The following SYT6 variants were observed in gnomAD, a reference collection of about 807,000 sequenced individuals.
SYT6 encodes the protein synaptotagmin 6, also known as synaptotagmin-6.
SYT6 carries 24 observed loss-of-function variants against 38.4 expected under a neutral mutation model. The observed-to-expected ratio is 0.62, with a 90% CI of 0.45 to 0.88. The LOEUF (loss-of-function observed/expected upper bound fraction) is 0.88. Ranked by LOEUF, SYT6 falls within the 40% of genes least tolerant of loss-of-function variation. The pLI, the probability that SYT6 is intolerant of heterozygous loss-of-function variation, is 0.00. For synonymous variants in SYT6, 265 were observed against 241.9 expected (o/e 1.10, Z -0.89); for missense variants, 611 against 621.0 (o/e 0.98, Z 0.17).
intron 6 of SYT6, among the ~76,000 whole-genome samples, chr1:114,094,239 A>G (rs956541774): frequency 6.6e-6 from 1 of 152,214 alleles, no homozygotes; most frequent in Non-Finnish European, 1.5e-5. Context: ...TGGAAAGGCG[A>G]ATGATTCCAG....
intron 3 of SYT6, among the ~76,000 whole-genome samples, chr1:114,109,225 T>C (rs1168856102): frequency 1.3e-5 from 2 of 152,196 alleles, no homozygotes. Flanking sequence ...ACTTTTATGT[T>C]GATCTGGGGA....
At chr1:114,096,745 G>A (rs1317749476) in intron 6 of SYT6, among the ~76,000 whole-genome samples, 5 of 152,242 alleles carry the variant, frequency 3.3e-5, no homozygotes. Flanking sequence ...GGGCCATGCA[G>A]TGAAAGGGAT....
intron 4 of SYT6, 59 bp downstream of exon 4, chr1:114,103,542 C>T: frequency 6.3e-7 from 1 of 1,599,806 alleles, no homozygotes; most frequent in Non-Finnish European, 8.5e-7. Context: ...TCTCCCCGAA[C>T]ACCCTTCCAA....
At chr1:114,101,951 A>G (rs545993529) in intron 4 of SYT6, among the ~76,000 whole-genome samples, 29 of 152,358 alleles carry the variant, frequency 1.9e-4, no homozygotes, top group Non-Finnish European at 3.7e-4. Context: ...GCCAAGGTTT[A>G]ATAACAGGTT....
In SYT6 at chr1:114,090,093, G is replaced by A. The variant is rs941323959; in HGVS notation, c.*2041C>T. 2.6e-5 allele frequency: 4 copies of A among 152,298 alleles called. No homozygotes were observed. The highest frequency in any genetic ancestry group is 2.1e-4 in the South Asian group (1 of 4,822). The allele number at this position is 152,298 out of a possible 1,614,324, so 9.4% of individuals were successfully genotyped here. On this transcript the variant is annotated 3_prime_UTR_variant, in exon 8 of 8. Transcript: ENST00000610222. ...AATTTCTGGACTCCTTATGACCCAG[G>A]GAACTCAGTTGTCTCCTTTGTAATG...
In SYT6 at chr1:114,138,073, G is replaced by T. The variant is rs1237312302; in HGVS notation, c.513-20C>A. 2.5e-6 allele frequency: 4 copies of T among 1,605,592 alleles called. No homozygotes were observed. The highest frequency in any genetic ancestry group is 8.5e-7 in the Non-Finnish European group (1 of 1,175,232). On this transcript the variant is annotated intron_variant, in intron 2 of 7. Transcript: ENST00000610222. The stretch of plus-strand genomic sequence containing the variant: ...GTGTGCCTGGTAGAGGGCAGGAGGG[G>T]GCAGAGGGAGTGTGGTCAGGGCTCA...
At chr1:114,104,395 A>G (rs2774284) in intron 3 of SYT6, among the ~76,000 whole-genome samples, 74,842 of 152,020 alleles carry the variant, frequency 0.49, 18,622 homozygotes, top group South Asian at 0.6. Flanking sequence ...TGCCTCTCCT[A>G]ACCCCAGAAT....
rs557620233 is a variant in SYT6, at chr1:114,144,748, T to A, written c.164-4785A>T. 3.3e-5 allele frequency among the ~76,000 whole-genome samples: 5 copies of A among 152,184 alleles called. No homozygotes were observed. In the East Asian group the frequency reaches 9.7e-4, roughly 29 times the overall value. ...GGGATCCAGGTACTCCCACAGCACATAGGCTCCAGGGAAAGAGATCCCACA... is the reference window on the plus strand; with the variant it reads ...GGGATCCAGGTACTCCCACAGCACAAAGGCTCCAGGGAAAGAGATCCCACA... On this transcript the variant is annotated intron_variant, in intron 1 of 7. Coordinates refer to ENST00000610222, the MANE Select transcript of SYT6 (RefSeq NM_001253772.2).
At chr1:114,107,597 C>T (rs1033840657) in intron 3 of SYT6, among the ~76,000 whole-genome samples, 6 of 152,232 alleles carry the variant, frequency 3.9e-5, no homozygotes, top group African/African-American at 1.4e-4. Context: ...TTCCCCTGCA[C>T]ACACAAGCAG....
chr1:114,097,238 G>T (rs1675690190), intron 6 of SYT6, among the ~76,000 whole-genome samples: 1 of 152,190 alleles, frequency 6.6e-6, no homozygotes, highest in Non-Finnish European at 1.5e-5. Context: ...TCCCCAACAA[G>T]GGCAAGAACC....
At chr1:114,123,411 C>G (rs1677539302) in intron 3 of SYT6, among the ~76,000 whole-genome samples, 1 of 152,196 alleles carries the variant, frequency 6.6e-6, no homozygotes, top group African/African-American at 2.4e-5. Context: ...CAGGCCAGTG[C>G]TGTTCCCATG....
intron 3 of SYT6, among the ~76,000 whole-genome samples, chr1:114,105,158 G>A (rs1676211966): frequency 6.6e-6 from 1 of 152,152 alleles, no homozygotes; most frequent in Admixed American, 6.5e-5. Flanking sequence ...TGACCAGCAG[G>A]AGGCTACAGT....
Position 114,137,536 on chromosome 1 carries a change from G to A in SYT6, c.1030C>T (p.Arg344Trp), listed in dbSNP as rs745356607. Residue 344 changes from arginine to tryptophan, a missense_variant, in exon 3 of 8, where the codon CGG (arginine) becomes TGG (tryptophan). Transcript: ENST00000610222. Reference sequence around the variant, plus strand: ...ATATCCTTCCAGATGGAGGTTTCCCGAGACAGGTCAGAGGCCTCAAAGAGG... The same window carrying A: ...ATATCCTTCCAGATGGAGGTTTCCCAAGACAGGTCAGAGGCCTCAAAGAGG... ...DNLFEASDLSRETSIWKDIQY... is the reference protein window; with the variant it reads ...DNLFEASDLSWETSIWKDIQY... 2 of 1,614,084 alleles carry A rather than the reference G, an allele frequency of 1.2e-6. No individual in the cohort carries two copies. The highest frequency in any genetic ancestry group is 1.7e-6 in the Non-Finnish European group (2 of 1,179,944).
chr1:114,111,640 G>A (rs1676683087), intron 3 of SYT6, among the ~76,000 whole-genome samples: 1 of 136,444 alleles, frequency 7.3e-6, no homozygotes, highest in African/African-American at 2.7e-5. Context: ...CCCTTGGTCT[G>A]GCCTGGGGTT....
rs186092198 is a variant in SYT6, at chr1:114,119,865, A to G, written c.1072-16144T>C. 3.8e-3 allele frequency among the ~76,000 whole-genome samples: 575 copies of G among 152,240 alleles called. 2 individuals are homozygous for G. Among genetic ancestry groups the G allele is most frequent in the African/African-American group, 0.013 (551 of 41,548 alleles). On this transcript the variant is annotated intron_variant, in intron 3 of 7. Transcript: ENST00000610222. ...GGCAGGCGGATCACGAGGTCAGGAG[A>G]TCGAGACCATCCTGGCTAGCACAGT...
Position 114,129,562 on chromosome 1 carries a change from TC to T in SYT6, c.1071+7932del, listed in dbSNP as rs1557755890. ...TCTTTTTTTTCTGTCTTTTTTTCTT[TC>T]TTTTCTTTCTTTCTTTCTTTCTTTC... On this transcript the variant is annotated intron_variant, in intron 3 of 7. Transcript: ENST00000610222. 5.0e-5 allele frequency among the ~76,000 whole-genome samples: 7 copies of T among 139,456 alleles called. No individual in the cohort carries two copies. The South Asian group carries it at 7.2e-4, about 14-fold the overall frequency. The allele number at this position is 139,456 out of a possible 152,430, so 91.5% of individuals were successfully genotyped here. A position where few individuals can be genotyped will look rare whatever the true frequency, so the allele number is the denominator to read the frequency against.
intron 3 of SYT6, among the ~76,000 whole-genome samples, chr1:114,107,589 C>G (rs541818680): frequency 1.3e-5 from 2 of 152,280 alleles, no homozygotes; most frequent in Admixed American, 6.5e-5. Flanking sequence ...GTTCACTGTT[C>G]CCCTGCACAC....
chr1:114,135,747 C>A (rs907476519), intron 3 of SYT6, among the ~76,000 whole-genome samples: 12 of 152,214 alleles, frequency 7.9e-5, no homozygotes, highest in African/African-American at 2.9e-4. Flanking sequence ...TGGCAAGGAG[C>A]AAAGGAGGCT....
intron 3 of SYT6, among the ~76,000 whole-genome samples, chr1:114,109,737 C>T (rs150384278): frequency 1.3e-5 from 2 of 152,152 alleles, no homozygotes; most frequent in East Asian, 1.9e-4. Flanking sequence ...TTGGTTTGGT[C>T]GGTGCAGTAA....
Sources: gnomAD v4.1 joint callset for allele counts (sites outside exome capture counted in the v4.1 genomes callset) on GRCh38, gnomAD v4.1.1 for gene constraint, MANE v1.5 for transcripts, NCBI Gene and HGNC (gene_info 2026-07-23, HGNC 2026-07-21) for gene names.